Variants in ST8SIA4 observed in about 807,000 individuals in gnomAD.
ST8SIA4 encodes the protein ST8 alpha-N-acetyl-neuraminide alpha-2,8-sialyltransferase 4.
ST8SIA4 carries 15 observed loss-of-function variants against 33.9 expected under a neutral mutation model. The observed-to-expected ratio is 0.44, with a 90% CI of 0.30 to 0.68. ST8SIA4 has a LOEUF of 0.68. ST8SIA4 is among the 30% of genes least tolerant of loss of function. The probability of loss-of-function intolerance (pLI) is 0.10; values close to 1 mark genes in which losing one functional copy is unlikely to be tolerated. For synonymous variants in ST8SIA4, 171 were observed against 151.2 expected (o/e 1.13, Z -0.96); for missense variants, 321 against 428.0 (o/e 0.75, Z 2.21).
chr5:100,836,640 C>G (rs1192950584), intron 4 of ST8SIA4, among the ~76,000 whole-genome samples: 1 of 151,946 alleles, frequency 6.6e-6, no homozygotes, highest in Non-Finnish European at 1.5e-5. Flanking sequence ...TTGACTTCTC[C>G]AACTTGGCAA....
At position 100,881,389 on chromosome 5, in the gene ST8SIA4, C is replaced by T. The variant is rs368540413; in HGVS notation, c.503+4954G>A. Among the ~76,000 whole-genome samples the T allele has an allele frequency of 2.0e-4, 31 of 152,222 alleles. No homozygotes were observed. In the South Asian group the frequency reaches 3.3e-3, roughly 16 times the overall value. Reference sequence around the variant, plus strand: ...TCATCCGTTCTCTGAGAAGAGAAAGCGCCTGGGAAATACCAATGAGAGAAA... The same window carrying T: ...TCATCCGTTCTCTGAGAAGAGAAAGTGCCTGGGAAATACCAATGAGAGAAA... On this transcript the variant is annotated intron_variant, in intron 3 of 4. Coordinates refer to ENST00000231461, the MANE Select transcript of ST8SIA4 (RefSeq NM_005668.6).
chr5:100,843,624 C>T (rs545068716), intron 4 of ST8SIA4, among the ~76,000 whole-genome samples: 1 of 151,994 alleles, frequency 6.6e-6, no homozygotes, highest in South Asian at 2.1e-4. Context: ...AAGCAGCAGG[C>T]ATTTACACAA....
rs1452347362 is a variant in ST8SIA4, at chr5:100,903,053, TA to T, written c.-99del. On this transcript the variant is annotated 5_prime_UTR_variant, in exon 1 of 5. Coordinates refer to ENST00000231461, the MANE Select transcript of ST8SIA4 (RefSeq NM_005668.6). ...GAGATAGTCGCGGGGGTGAAATCTG[TA>T]AAATGCGAGGAGAGCTTGGAGCCGG... The T allele has an allele frequency of 1.1e-5, 9 of 847,078 alleles. No homozygotes were observed. Among genetic ancestry groups the T allele is most frequent in the Non-Finnish European group, 1.7e-5 (9 of 514,816 alleles). 52.5% of individuals were successfully genotyped at this position (847,078 alleles called of 1,614,324 possible).
intron 3 of ST8SIA4, among the ~76,000 whole-genome samples, chr5:100,869,810 C>T (rs759683262): frequency 1.2e-4 from 19 of 152,040 alleles, no homozygotes; most frequent in African/African-American, 3.6e-4. Context: ...TTCTTTATTA[C>T]GAACCTAACA....
At chr5:100,833,593 T>C (rs1751303418) in intron 4 of ST8SIA4, among the ~76,000 whole-genome samples, 2 of 152,104 alleles carry the variant, frequency 1.3e-5, no homozygotes, top group Non-Finnish European at 2.9e-5. Context: ...ATAGGAGTAA[T>C]AACAAACCTA....
chr5:100,881,275 T>C (rs928566017), intron 3 of ST8SIA4, among the ~76,000 whole-genome samples: 4 of 152,216 alleles, frequency 2.6e-5, no homozygotes, highest in African/African-American at 4.8e-5. Flanking sequence ...TTACAAAGTA[T>C]AGAGATAAGT....
intron 3 of ST8SIA4, among the ~76,000 whole-genome samples, chr5:100,863,694 A>C (rs1025763515): frequency 1.3e-5 from 2 of 152,184 alleles, no homozygotes; most frequent in Admixed American, 1.3e-4. Flanking sequence ...TAATAAGAGG[A>C]TACTGAAAGC....
intron 4 of ST8SIA4, among the ~76,000 whole-genome samples, chr5:100,830,957 A>C (rs1345027509): frequency 6.6e-6 from 1 of 152,252 alleles, no homozygotes; most frequent in Non-Finnish European, 1.5e-5. Flanking sequence ...GGTAAAGCAC[A>C]GTATAACCAA....
Position 100,902,980 on chromosome 5 carries a change from T to C in ST8SIA4, c.-25A>G, listed in dbSNP as rs774904537. 31 of 1,562,926 alleles carry C rather than the reference T, an allele frequency of 2.0e-5. No individual in the cohort carries two copies. Among genetic ancestry groups the C allele is most frequent in the South Asian group, 4.4e-5 (4 of 90,092 alleles). ...TCTTGGGTGCCCGAGAAAGTCCTGG[T>C]TGCCCCAGCTCCCGCACCTTCTCTT... On this transcript the variant is annotated 5_prime_UTR_variant, in exon 1 of 5. Transcript: ENST00000231461.
rs368733661 is a variant in ST8SIA4, at chr5:100,895,765, C to A, written c.134G>T (p.Ser45Ile). 6.2e-7 allele frequency: 1 copy of A among 1,612,418 alleles called. No homozygotes were observed. The highest frequency in any genetic ancestry group is 8.5e-7 in the Non-Finnish European group (1 of 1,178,956). ...QLIGDGELSL[S>I]RSLVNSSDKI... ...ATCAGAGCTATTGACAAGTGACCGA[C>A]TCAAAGACAATTCACCATCTCTGAA... is the stretch of plus-strand genomic sequence containing the variant. Residue 45 changes from serine to isoleucine, a missense_variant, in exon 2 of 5, where the codon AGT (serine) becomes ATT (isoleucine). Ser to Ile is a moderately radical substitution (Grantham distance 142, BLOSUM62 -2). Transcript: ENST00000231461.
At chr5:100,819,601 T>C (rs1377505942) in intron 4 of ST8SIA4, among the ~76,000 whole-genome samples, 1 of 152,226 alleles carries the variant, frequency 6.6e-6, no homozygotes, top group Non-Finnish European at 1.5e-5. Flanking sequence ...GCTCCAGTAT[T>C]CTTCAGACGC....
chr5:100,825,856 T>TA (rs900862566), intron 4 of ST8SIA4, among the ~76,000 whole-genome samples: 4 of 152,232 alleles, frequency 2.6e-5, no homozygotes, highest in African/African-American at 9.6e-5. Flanking sequence ...TTGTAGCTTG[T>TA]AGAGAGCTTA....
At chr5:100,879,593 A>G (rs1752373427) in intron 3 of ST8SIA4, among the ~76,000 whole-genome samples, 1 of 152,220 alleles carries the variant, frequency 6.6e-6, no homozygotes, top group Non-Finnish European at 1.5e-5. Context: ...TCTACCTTAC[A>G]ACATTTCTCT....
chr5:100,822,947 C>A (rs372178160), intron 4 of ST8SIA4, among the ~76,000 whole-genome samples: 56 of 152,080 alleles, frequency 3.7e-4, no homozygotes, highest in African/African-American at 1.3e-3. Context: ...CTGGCTAACA[C>A]GGTGAAACCC....
chr5:100,839,659 C>CAA, intron 4 of ST8SIA4, among the ~76,000 whole-genome samples: 1 of 152,030 alleles, frequency 6.6e-6, no homozygotes, highest in East Asian at 1.9e-4. Context: ...ATAGAAAGCA[C>CAA]TCACTTTCTG....
intron 4 of ST8SIA4, among the ~76,000 whole-genome samples, chr5:100,855,777 T>C (rs1751801918): frequency 6.6e-6 from 1 of 152,150 alleles, no homozygotes; most frequent in Admixed American, 6.6e-5. Context: ...AGCACTTCTG[T>C]TGTAGTTTCC....
chr5:100,830,265 T>C (rs1751226741), intron 4 of ST8SIA4, among the ~76,000 whole-genome samples: 1 of 152,228 alleles, frequency 6.6e-6, no homozygotes, highest in Non-Finnish European at 1.5e-5. Context: ...TTTCAAAGCC[T>C]AGTGTTACCA....
At chr5:100,889,824 A>G (rs1752620430) in intron 2 of ST8SIA4, among the ~76,000 whole-genome samples, 1 of 151,960 alleles carries the variant, frequency 6.6e-6, no homozygotes, top group African/African-American at 2.4e-5. Context: ...CAATGTTGTT[A>G]TAGGCTCAGC....
chr5:100,891,517 G>A (rs1430687075), intron 2 of ST8SIA4, among the ~76,000 whole-genome samples: 4 of 151,806 alleles, frequency 2.6e-5, no homozygotes, highest in African/African-American at 9.7e-5. Flanking sequence ...AGCAGTTATG[G>A]GAAAGACATC....
Sources: allele counts gnomAD v4.1 joint callset (sites outside exome capture counted in the v4.1 genomes callset), GRCh38; gene constraint gnomAD v4.1.1; transcripts MANE v1.5; gene names NCBI Gene and HGNC (gene_info 2026-07-23, HGNC 2026-07-21).